Variants in TMEM272 observed in about 807,000 individuals in gnomAD.
The protein encoded by TMEM272 is transmembrane protein 272.
TMEM272 carries 8 observed loss-of-function variants against 3.7 expected under a neutral mutation model. The observed-to-expected ratio is 2.17, with a 90% CI of 1.27 to 3.91. TMEM272 has a LOEUF of 3.91. Ranked by LOEUF, TMEM272 falls within the 30% of genes most tolerant of loss-of-function variation. The pLI, the probability that TMEM272 is intolerant of heterozygous loss-of-function variation, is 0.00. For synonymous variants in TMEM272, 63 were observed against 39.8 expected (o/e 1.58, Z -2.20); for missense variants, 166 against 91.5 (o/e 1.81, Z -3.32).
At chr13:51,914,461 C>T in the TMEM272 span, among the ~76,000 whole-genome samples, 1 of 152,254 alleles carries the variant, frequency 6.6e-6, no homozygotes, top group Admixed American at 6.5e-5. Context: ...CTGACTGCAG[C>T]ATCTCAGGCC....
the TMEM272 span, among the ~76,000 whole-genome samples, chr13:51,869,057 C>T: frequency 6.6e-6 from 1 of 152,324 alleles, no homozygotes; most frequent in East Asian, 1.9e-4. Flanking sequence ...AGGAAAGGGG[C>T]TACTCACCCA....
chr13:51,860,414 A>G, the TMEM272 span, among the ~76,000 whole-genome samples: 131,379 of 152,024 alleles, frequency 0.86, 58,259 homozygotes, highest in East Asian at 1. Context: ...CCGAATGGGT[A>G]GATCACTTGA....
At chr13:51,875,939 C>G in the TMEM272 span, among the ~76,000 whole-genome samples, 1 of 152,248 alleles carries the variant, frequency 6.6e-6, no homozygotes, top group African/African-American at 2.4e-5. Flanking sequence ...CTCTTCCTCC[C>G]TTCTGGGTCT....
the TMEM272 span, chr13:51,866,278 A>T: frequency 1.8e-6 from 1 of 544,454 alleles, no homozygotes; most frequent in Non-Finnish European, 3.3e-6. Context: ...TTTTGTGATG[A>T]TCCAAGGTCA....
At chr13:51,919,100 T>C in the TMEM272 span, among the ~76,000 whole-genome samples, 1 of 152,196 alleles carries the variant, frequency 6.6e-6, no homozygotes, top group Admixed American at 6.5e-5. Context: ...CTTGCTCGCC[T>C]CTGTGTGAAG....
At chr13:51,876,566 A>C in the TMEM272 span, among the ~76,000 whole-genome samples, 1 of 152,112 alleles carries the variant, frequency 6.6e-6, no homozygotes, top group Non-Finnish European at 1.5e-5. Context: ...AAATTTGTAC[A>C]CTCTGATTTT....
the TMEM272 span, among the ~76,000 whole-genome samples, chr13:51,906,942 G>C: frequency 6.6e-6 from 1 of 152,196 alleles, no homozygotes; most frequent in Non-Finnish European, 1.5e-5. Context: ...TATGTGATCT[G>C]GTCTGTTCAG....
chr13:51,849,422 T>G (rs558725599), upstream of TMEM272, among the ~76,000 whole-genome samples: 1 of 152,324 alleles, frequency 6.6e-6, no homozygotes, highest in Non-Finnish European at 1.5e-5. Context: ...CACAACAATG[T>G]GAATATTCTT....
At chr13:51,862,297 CT>C in the TMEM272 span, 1 of 152,174 alleles carries the variant, frequency 6.6e-6, no homozygotes, top group South Asian at 2.1e-4. Context: ...TAATATTTTC[CT>C]TAAAAAGAAG....
the TMEM272 span, among the ~76,000 whole-genome samples, chr13:51,918,844 T>C: frequency 3.3e-5 from 5 of 149,310 alleles, no homozygotes; most frequent in East Asian, 9.8e-4. Flanking sequence ...GACAGGGTTT[T>C]GCCATGTTGC....
intron 4 of TMEM272, among the ~76,000 whole-genome samples, chr13:51,821,668 C>CAAAAA (rs386379191): frequency 3.5e-5 from 1 of 28,532 alleles, no homozygotes; most frequent in Non-Finnish European, 8.7e-5. Context: ...TTTTTTTCCT[C>CAAAAA]AAAAAAAAAA....
the TMEM272 span, among the ~76,000 whole-genome samples, chr13:51,880,777 G>A: frequency 1.3e-5 from 2 of 152,144 alleles, no homozygotes; most frequent in East Asian, 3.9e-4. Context: ...ACAGATCTTG[G>A]TCAGCAGCAT....
the TMEM272 span, among the ~76,000 whole-genome samples, chr13:51,851,606 C>T: frequency 2.7e-5 from 4 of 149,370 alleles, no homozygotes; most frequent in Admixed American, 2.7e-4. Flanking sequence ...CTCACCACAA[C>T]CTCCACCTCC....
At chr13:51,884,418 A>G in the TMEM272 span, among the ~76,000 whole-genome samples, 2 of 152,214 alleles carry the variant, frequency 1.3e-5, no homozygotes, top group East Asian at 1.9e-4. Flanking sequence ...TGCAAATATT[A>G]TATTTCATAG....
Position 51,813,617 on chromosome 13 carries a change from C to G in TMEM272, c.*3134G>C, listed in dbSNP as rs978534776. The G allele has an allele frequency of 2.8e-5, 6 of 213,160 alleles. No individual in the cohort carries two copies. Among genetic ancestry groups the G allele is most frequent in the Admixed American group, 5.9e-5 (1 of 17,058 alleles). The allele number at this position is 213,160 out of a possible 1,614,324, so 13.2% of individuals were successfully genotyped here. A position where few individuals can be genotyped will look rare whatever the true frequency, so the allele number is the denominator to read the frequency against. On this transcript the variant is annotated 3_prime_UTR_variant, in exon 5 of 5. Transcript: ENST00000629372. Reference sequence around the variant, plus strand: ...GGCCACCGAATCAGAACCAGCTGGGCCCCACAAGTCAGTCTCTGGGGGCTG... The same window carrying G: ...GGCCACCGAATCAGAACCAGCTGGGGCCCACAAGTCAGTCTCTGGGGGCTG...
the TMEM272 span, chr13:51,865,372 A>T: frequency 6.3e-7 from 1 of 1,575,432 alleles, no homozygotes; most frequent in Non-Finnish European, 8.6e-7. Flanking sequence ...GGGTCCTGTC[A>T]TCCCTCATGG....
At chr13:51,906,608 A>C in the TMEM272 span, among the ~76,000 whole-genome samples, 1 of 152,226 alleles carries the variant, frequency 6.6e-6, no homozygotes, top group African/African-American at 2.4e-5. Flanking sequence ...GAGAAGTTCT[A>C]GAGTTATTTT....
the TMEM272 span, among the ~76,000 whole-genome samples, chr13:51,887,381 T>C: frequency 7.2e-5 from 11 of 152,330 alleles, no homozygotes; most frequent in South Asian, 1.9e-3. Flanking sequence ...GGCCCCAAGA[T>C]GGCAAAGGAG....
chr13:51,930,980 T>A, the TMEM272 span, among the ~76,000 whole-genome samples: 3 of 152,180 alleles, frequency 2.0e-5, no homozygotes, highest in Non-Finnish European at 4.4e-5. Flanking sequence ...AAATGAGAAT[T>A]ACTGCATTTG....
Sources: gnomAD v4.1 joint callset for allele counts (sites outside exome capture counted in the v4.1 genomes callset) on GRCh38, gnomAD v4.1.1 for gene constraint, MANE v1.5 for transcripts, NCBI Gene and HGNC (gene_info 2026-07-23, HGNC 2026-07-21) for gene names.